The following USP37 variants were observed in gnomAD, a reference collection of about 807,000 sequenced individuals.
USP37 encodes ubiquitin carboxyl-terminal hydrolase 37.
A neutral mutation model predicts 124.0 loss-of-function variants in USP37; 27 were observed. The ratio of observed to expected loss-of-function variants is 0.22; its 90% CI spans 0.16 to 0.30. The LOEUF (loss-of-function observed/expected upper bound fraction) is 0.30. Among genes scored for constraint, USP37 ranks in the 10% least tolerant of loss-of-function variants. The probability of loss-of-function intolerance (pLI) is 1.00; values close to 1 mark genes in which losing one functional copy is unlikely to be tolerated. For synonymous variants in USP37, 365 were observed against 388.0 expected (o/e 0.94, Z 0.70); for missense variants, 889 against 1,140.4 (o/e 0.78, Z 3.17).
In USP37 at chr2:218,454,743, A is replaced by C; in HGVS notation, c.*187T>G. The C allele has an allele frequency of 7.9e-7, 1 of 1,260,956 alleles. No individual in the cohort carries two copies. The allele number at this position is 1,260,956 out of a possible 1,614,324, so 78.1% of individuals were successfully genotyped here. On this transcript the variant is annotated 3_prime_UTR_variant, in exon 26 of 26. Coordinates refer to ENST00000258399, the MANE Select transcript of USP37 (RefSeq NM_020935.3). The stretch of plus-strand genomic sequence containing the variant: ...GAGGATAATCAGCTACGGATGTGAG[A>C]CCAAAGTTTCCATAAAATAGCATGG...
chr2:218,566,666 T>C (rs1364795959), intron 1 of USP37, among the ~76,000 whole-genome samples: 1 of 152,226 alleles, frequency 6.6e-6, no homozygotes, highest in Non-Finnish European at 1.5e-5. Context: ...TTAATCCTCA[T>C]AACAATCCAA....
chr2:218,483,000 A>C (rs752742558), intron 16 of USP37, among the ~76,000 whole-genome samples: 1 of 152,154 alleles, frequency 6.6e-6, no homozygotes, highest in Admixed American at 6.5e-5. Flanking sequence ...CACACACACA[A>C]AAATGATCTA....
intron 10 of USP37, 50 bp from the exon 11 acceptor site, chr2:218,510,190 A>G (rs193235424): frequency 6.4e-7 from 1 of 1,569,232 alleles, no homozygotes; most frequent in East Asian, 2.3e-5. Context: ...TTTGAATACT[A>G]CTATTTTCCT....
At chr2:218,475,501 G>A (rs896239801) in intron 19 of USP37, among the ~76,000 whole-genome samples, 2 of 152,052 alleles carry the variant, frequency 1.3e-5, no homozygotes, top group African/African-American at 2.4e-5. Context: ...TTGGGAGGTC[G>A]AGGCCAGCAG....
rs777149298 is a variant in USP37 at position 218,476,836 on chromosome 2, T to C, written c.2043+4A>G. On this transcript the variant is annotated splice_donor_region_variant and intron_variant, in intron 19 of 25. Transcript: ENST00000258399. ...GTCAGATGTTTTAAGAAAATATTAC[T>C]TACTTTTTCCAGGTCTTCCTGCTGC... 6.3e-7 allele frequency: 1 copy of C among 1,591,898 alleles called. No homozygotes were observed. The highest frequency in any genetic ancestry group is 2.3e-5 in the East Asian group (1 of 44,422).
rs867145262 is a variant in USP37, at chr2:218,558,592, T to G, written c.62A>C (p.Lys21Thr). The G allele has an allele frequency of 1.9e-6, 3 of 1,613,506 alleles. No individual in the cohort carries two copies. In the African/African-American group the frequency reaches 4.0e-5, roughly 22 times the overall value. Residue 21 changes from lysine to threonine, a missense_variant, in exon 4 of 26, where the codon AAG becomes ACG. By Grantham distance (78) the Lys-to-Thr change is moderately conservative. This residue lies in a region of USP37 where 374 missense variants were observed against 386.0 expected (regional missense o/e 0.97). Coordinates refer to ENST00000258399, the MANE Select transcript of USP37 (RefSeq NM_020935.3). ...RIRSMQTGIT[K>T]WKEGSFEIVE... Reference sequence around the variant, plus strand: ...AATTTCAAAGGATCCTTCTTTCCACTTTGTAATCCCAGTCTGCATACTTCG... The same window carrying G: ...AATTTCAAAGGATCCTTCTTTCCACGTTGTAATCCCAGTCTGCATACTTCG...
At chr2:218,482,358 G>A in intron 16 of USP37, 124 bp from the exon 17 acceptor site, 2 of 1,047,746 alleles carry the variant, frequency 1.9e-6, no homozygotes, top group South Asian at 2.6e-5. Flanking sequence ...CCAAACCAAA[G>A]ACACGTCAAA....
chr2:218,533,053 C>T (rs1691422675), intron 9 of USP37, among the ~76,000 whole-genome samples: 1 of 151,750 alleles, frequency 6.6e-6, no homozygotes, highest in South Asian at 2.1e-4. Flanking sequence ...TTCATTCTTG[C>T]TTTTTTGTGC....
intron 5 of USP37, among the ~76,000 whole-genome samples, chr2:218,551,791 C>T (rs903517638): frequency 2.0e-5 from 3 of 150,622 alleles, no homozygotes; most frequent in Admixed American, 6.6e-5. Flanking sequence ...TATTCAATTT[C>T]TTGATTCTTT....
intron 10 of USP37, among the ~76,000 whole-genome samples, chr2:218,516,843 GTA>G (rs1690316272): frequency 6.6e-6 from 1 of 152,200 alleles, no homozygotes; most frequent in Non-Finnish European, 1.5e-5. Context: ...ACAAATGCAT[GTA>G]TGTTTATTTT....
At chr2:218,530,459 G>A (rs1691263299) in intron 9 of USP37, among the ~76,000 whole-genome samples, 1 of 151,924 alleles carries the variant, frequency 6.6e-6, no homozygotes. Context: ...CATATAAGAC[G>A]GCAAACTCAA....
intron 23 of USP37, among the ~76,000 whole-genome samples, chr2:218,459,311 T>A (rs2106405564): frequency 6.6e-6 from 1 of 152,216 alleles, no homozygotes; most frequent in East Asian, 1.9e-4. Flanking sequence ...TTCAGGTGAT[T>A]CTCCTGCCTC....
At chr2:218,481,597 A>G (rs1691271685) in intron 17 of USP37, among the ~76,000 whole-genome samples, 1 of 152,156 alleles carries the variant, frequency 6.6e-6, no homozygotes, top group African/African-American at 2.4e-5. Flanking sequence ...ATTTTCTTCA[A>G]TTACTTCAGG....
At chr2:218,520,444 G>C (rs1327683312) in intron 10 of USP37, among the ~76,000 whole-genome samples, 1 of 150,102 alleles carries the variant, frequency 6.7e-6, no homozygotes, top group Non-Finnish European at 1.5e-5. Flanking sequence ...CCACCTCCCA[G>C]GTTCAAGCGA....
intron 7 of USP37, 86 bp downstream of exon 7, chr2:218,546,829 CTTTA>C (rs1483182094): frequency 2.1e-6 from 3 of 1,435,322 alleles, no homozygotes; most frequent in South Asian, 2.5e-5. Context: ...GTACTCTATA[CTTTA>C]TTTCTCCTCA....
chr2:218,502,410 A>G (rs1487505024), intron 11 of USP37, among the ~76,000 whole-genome samples: 1 of 152,198 alleles, frequency 6.6e-6, no homozygotes, highest in Non-Finnish European at 1.5e-5. Context: ...GCAACAGAAT[A>G]GATTCCCACT....
chr2:218,491,620 T>A (rs1691949482), intron 14 of USP37, among the ~76,000 whole-genome samples: 1 of 152,176 alleles, frequency 6.6e-6, no homozygotes, highest in Non-Finnish European at 1.5e-5. Flanking sequence ...TAATAGGGCC[T>A]CCTACATGCC....
At chr2:218,537,894 C>A (rs1328355985) in intron 8 of USP37, among the ~76,000 whole-genome samples, 1 of 152,130 alleles carries the variant, frequency 6.6e-6, no homozygotes, top group Non-Finnish European at 1.5e-5. Flanking sequence ...ATTATTAAGC[C>A]CTGGAAGAGA....
intron 2 of USP37, among the ~76,000 whole-genome samples, chr2:218,561,877 T>C (rs143448750): frequency 3.9e-5 from 6 of 152,300 alleles, no homozygotes; most frequent in Admixed American, 6.5e-5. Flanking sequence ...GAATTACTTA[T>C]AATTTCCTCA....
Sources: gnomAD v4.1 joint callset for allele counts (sites outside exome capture counted in the v4.1 genomes callset) on GRCh38, gnomAD v4.1.1 for gene constraint, gnomAD v4.1.1 regional missense constraint, MANE v1.5 for transcripts, NCBI Gene and HGNC (gene_info 2026-07-23, HGNC 2026-07-21) for gene names.